The following WDFY4 variants were observed in gnomAD, a reference collection of about 807,000 sequenced individuals.
WDFY4 encodes the protein WD repeat- and FYVE domain-containing protein 4.
A neutral mutation model predicts 351.9 loss-of-function variants in WDFY4; 169 were observed. The ratio of observed to expected loss-of-function variants is 0.48; its 90% CI spans 0.42 to 0.55. The LOEUF (loss-of-function observed/expected upper bound fraction) is 0.55. WDFY4 is among the 20% of genes least tolerant of loss of function. The probability of loss-of-function intolerance (pLI) is 0.00; values close to 1 mark genes in which losing one functional copy is unlikely to be tolerated. For synonymous variants in WDFY4, 1,622 were observed against 1,574.6 expected, an observed-to-expected ratio of 1.03 and a Z score of -0.71; for missense variants, 3,803 against 3,935.6, an observed-to-expected ratio of 0.97 and a Z score of 0.90.
intron 42 of WDFY4, among the ~76,000 whole-genome samples, chr10:48,876,533 A>T (rs1051914680): frequency 2.0e-5 from 3 of 152,200 alleles, no homozygotes; most frequent in Non-Finnish European, 4.4e-5. Context: ...GGGACCTGTT[A>T]TTATTAGCAC....
chr10:48,952,142 G>T (rs535443049), intron 51 of WDFY4, among the ~76,000 whole-genome samples: 2 of 152,198 alleles, frequency 1.3e-5, no homozygotes, highest in South Asian at 4.1e-4. Flanking sequence ...CAGGATTCTT[G>T]GTGGAGCGTG....
chr10:48,849,723 C>T (rs2068894739), intron 39 of WDFY4, among the ~76,000 whole-genome samples: 1 of 152,168 alleles, frequency 6.6e-6, no homozygotes, highest in Non-Finnish European at 1.5e-5. Flanking sequence ...TTGTTAACAT[C>T]TTATTACCAT....
chr10:48,933,086 G>A (rs1399855025), intron 47 of WDFY4, among the ~76,000 whole-genome samples: 1 of 152,126 alleles, frequency 6.6e-6, no homozygotes, highest in Non-Finnish European at 1.5e-5. Context: ...AGGAGAAGAG[G>A]GGAGTCTGTG....
At chr10:48,796,018 G>A (rs923973770) in intron 23 of WDFY4, among the ~76,000 whole-genome samples, 1 of 152,142 alleles carries the variant, frequency 6.6e-6, no homozygotes, top group Non-Finnish European at 1.5e-5. Flanking sequence ...AACAGAAAAT[G>A]AGAATGAGGC....
intron 2 of WDFY4, among the ~76,000 whole-genome samples, chr10:48,715,294 C>T (rs889378140): frequency 6.6e-6 from 1 of 152,210 alleles, no homozygotes; most frequent in Non-Finnish European, 1.5e-5. Context: ...TAAATGATTG[C>T]TATTATTTTA....
chr10:48,850,635 C>A (rs1347113484), intron 39 of WDFY4, among the ~76,000 whole-genome samples: 1 of 152,176 alleles, frequency 6.6e-6, no homozygotes, highest in South Asian at 2.1e-4. Flanking sequence ...GTCTAACTGG[C>A]CTAAAATTGC....
chr10:48,818,575 A>G (rs1349557019), intron 32 of WDFY4, among the ~76,000 whole-genome samples: 8 of 152,224 alleles, frequency 5.3e-5, no homozygotes, highest in Non-Finnish European at 1.2e-4. Flanking sequence ...AATGAAATGT[A>G]CTGAACTTCA....
chr10:48,709,859 C>T lies in WDFY4; in HGVS notation c.127C>T (p.Leu43Phe), dbSNP rs1414797748. ...HGGQSSSPTALWDMLERKFLE... is the reference protein window; with the variant it reads ...HGGQSSSPTAFWDMLERKFLE... The stretch of plus-strand genomic sequence containing the variant: ...AGGGCAGTCCTCCAGCCCCACAGCT[C>T]TCTGGGACATGCTGGAAAGGAAGTT... The change falls in exon 2 of 62, where the codon CTC becomes TTC. Residue 43 changes from leucine to phenylalanine, a missense_variant. Around this residue, in one of 3 missense-constraint regions of WDFY4, gnomAD observed 488 missense variants for 456.8 expected, o/e 1.07. Transcript: ENST00000325239. 6.4e-7 allele frequency: 1 copy of T among 1,551,920 alleles called. No individual in the cohort carries two copies. Among genetic ancestry groups the T allele is most frequent in the East Asian group, 2.4e-5 (1 of 40,926 alleles).
intron 13 of WDFY4, among the ~76,000 whole-genome samples, chr10:48,771,433 AC>A (rs2065862029): frequency 6.6e-6 from 1 of 152,128 alleles, no homozygotes; most frequent in African/African-American, 2.4e-5. Context: ...CATCTGTAAA[AC>A]GGGTATGATA....
chr10:48,803,387 T>C (rs1360877584), intron 25 of WDFY4, 28 bp downstream of exon 25: 2 of 1,549,212 alleles, frequency 1.3e-6, no homozygotes, highest in African/African-American at 2.7e-5. Context: ...AGCCTGGGGG[T>C]TAGAACTGAA....
Position 48,790,834 on chromosome 10 carries a change from T to A in WDFY4, c.4174T>A (p.Tyr1392Asn). 6.4e-7 allele frequency: 1 copy of A among 1,551,806 alleles called. No individual in the cohort carries two copies. The highest frequency in any genetic ancestry group is 8.7e-7 in the Non-Finnish European group (1 of 1,147,020). Residue 1392 changes from tyrosine to asparagine, a missense_variant, in exon 23 of 62, where the codon TAT becomes AAT. By Grantham distance (143) the Tyr-to-Asn change is moderately radical. Coordinates refer to ENST00000325239, the MANE Select transcript of WDFY4 (RefSeq NM_001394531.1). ...CTTAGCGACAGATGACCATACCATG[T>A]ATGCGGCTGTGAAAGTTCTGCACTC... The part of the protein sequence containing the change: ...ISLATDDHTM[Y>N]AAVKVLHSVL...
intron 27 of WDFY4, 99 bp from the exon 28 acceptor site, chr10:48,807,760 C>G: frequency 7.3e-7 from 1 of 1,362,196 alleles, no homozygotes. Flanking sequence ...GCCACAATTC[C>G]TGGGTGAAAT....
At chr10:48,887,370 T>G (rs961802593) in intron 43 of WDFY4, among the ~76,000 whole-genome samples, 1 of 152,212 alleles carries the variant, frequency 6.6e-6, no homozygotes, top group African/African-American at 2.4e-5. Context: ...GACATAATCT[T>G]CCTGATAGTC....
At chr10:48,961,721 C>A (rs1303237429) in intron 53 of WDFY4, among the ~76,000 whole-genome samples, 1 of 152,058 alleles carries the variant, frequency 6.6e-6, no homozygotes, top group African/African-American at 2.4e-5. Flanking sequence ...CCAGGAATCA[C>A]CATCTTTGAT....
At chr10:48,764,617 G>A (rs1275329837) in intron 13 of WDFY4, among the ~76,000 whole-genome samples, 1 of 152,204 alleles carries the variant, frequency 6.6e-6, no homozygotes, top group Admixed American at 6.5e-5. Flanking sequence ...TTCTAATCAG[G>A]TCTTAACTGA....
chr10:48,747,482 TA>T (rs1438951018), intron 12 of WDFY4, among the ~76,000 whole-genome samples: 2 of 152,144 alleles, frequency 1.3e-5, no homozygotes, highest in African/African-American at 2.4e-5. Context: ...CAATTAGATG[TA>T]TGTTTTACTT....
intron 44 of WDFY4, among the ~76,000 whole-genome samples, chr10:48,894,320 G>A (rs1255062752): frequency 1.3e-5 from 2 of 152,220 alleles, no homozygotes; most frequent in African/African-American, 2.4e-5. Flanking sequence ...TGAAAGCAGT[G>A]AGCCAGTGGT....
In WDFY4 at chr10:48,981,471, G is replaced by A. The variant is rs757107202; in HGVS notation, c.9481G>A (p.Val3161Met). 39 of 1,551,452 alleles carry A rather than the reference G, an allele frequency of 2.5e-5. No individual in the cohort carries two copies. The highest frequency in any genetic ancestry group is 4.8e-5 in the South Asian group (4 of 84,064). Reference sequence around the variant, plus strand: ...CAGCCCCGCAGTGACTGCTCTGGCCGTGTCCAGGTAAGCGCGGCCTTGTTT... The same window carrying A: ...CAGCCCCGCAGTGACTGCTCTGGCCATGTCCAGGTAAGCGCGGCCTTGTTT... ...KTSPAVTALA[V>M]SRNHTKLLVG... The change falls in exon 61 of 62, where the codon GTG (valine) becomes ATG (methionine). Residue 3161 changes from valine to methionine, a missense_variant. This residue lies in a region of WDFY4 where 3,054 missense variants were observed against 3,148.6 expected (regional missense o/e 0.97). Transcript: ENST00000325239.
intron 47 of WDFY4, chr10:48,910,189 C>CGTG: frequency 2.0e-6 from 3 of 1,478,432 alleles, no homozygotes; most frequent in Non-Finnish European, 2.8e-6. Flanking sequence ...TCTTCAGAGT[C>CGTG]GTTTATTCTG....
Sources: allele counts gnomAD v4.1 joint callset (sites outside exome capture counted in the v4.1 genomes callset), GRCh38; gene constraint gnomAD v4.1.1; regional missense constraint gnomAD v4.1.1; transcripts MANE v1.5; gene names NCBI Gene and HGNC (gene_info 2026-07-23, HGNC 2026-07-21).